THSD7A: variants seen among roughly 807,000 people sequenced by gnomAD.
The protein encoded by THSD7A is thrombospondin type 1 domain containing 7A.
Under a neutral mutation model 231.3 loss-of-function variants are expected in THSD7A, and 96 were observed. The ratio of observed to expected loss-of-function variants is 0.41; its 90% CI spans 0.35 to 0.49. THSD7A has a LOEUF of 0.49. Ranked by LOEUF, THSD7A falls within the 20% of genes least tolerant of loss-of-function variation. THSD7A has a pLI of 0.05. For missense variants in THSD7A, 2,290 were observed against 2,070.2 expected (o/e 1.11, Z -2.06); for synonymous variants, 940 against 743.3 (o/e 1.26, Z -4.30).
intron 6 of THSD7A, among the ~76,000 whole-genome samples, chr7:11,495,347 G>A (rs903729711): frequency 2.0e-5 from 3 of 152,134 alleles, no homozygotes; most frequent in African/African-American, 7.2e-5. Context: ...TTGGCCGTAG[G>A]TGCTTATGAG....
chr7:11,574,707 A>G (rs1382581279), intron 4 of THSD7A, among the ~76,000 whole-genome samples: 1 of 151,812 alleles, frequency 6.6e-6, no homozygotes, highest in African/African-American at 2.4e-5. Flanking sequence ...AAGTGCTGGG[A>G]TTACAGGCGT....
intron 2 of THSD7A, among the ~76,000 whole-genome samples, chr7:11,617,036 T>C (rs1170077388): frequency 3.3e-5 from 5 of 152,328 alleles, no homozygotes; most frequent in Admixed American, 1.3e-4. Flanking sequence ...GATGCTATAT[T>C]TGTGCATTGC....
chr7:11,781,531 A>G (rs192265641), intron 1 of THSD7A, among the ~76,000 whole-genome samples: 1 of 152,286 alleles, frequency 6.6e-6, no homozygotes, highest in Admixed American at 6.5e-5. Context: ...CGATGTAAAA[A>G]TCCTATTTAA....
At chr7:11,517,763 T>C (rs1356553933) in intron 6 of THSD7A, among the ~76,000 whole-genome samples, 1 of 152,262 alleles carries the variant, frequency 6.6e-6, no homozygotes, top group Non-Finnish European at 1.5e-5. Context: ...TGATCCCTTA[T>C]GAAAACTGAC....
chr7:11,604,192 T>C (rs1780659525), intron 2 of THSD7A, among the ~76,000 whole-genome samples: 1 of 152,120 alleles, frequency 6.6e-6, no homozygotes, highest in Non-Finnish European at 1.5e-5. Flanking sequence ...TTTCATGAAG[T>C]AGGTATTATT....
At chr7:11,764,539 C>T (rs972644764) in intron 1 of THSD7A, among the ~76,000 whole-genome samples, 67 of 144,640 alleles carry the variant, frequency 4.6e-4, no homozygotes, top group Non-Finnish European at 2.2e-4. Flanking sequence ...CACTGCAGTC[C>T]GGCCTGGGTG....
rs753952136 is a variant in THSD7A at position 11,814,126 on chromosome 7, C to A, written c.190+17631G>T. On this transcript the variant is annotated intron_variant, in intron 1 of 27. Coordinates refer to ENST00000423059, the MANE Select transcript of THSD7A (RefSeq NM_015204.3). The surrounding 1 kb of genome is among the most constrained non-coding windows in gnomAD (Gnocchi z 5.1). ...GAGAAAAAGTAGATTGGTATTTGCC[C>A]GGGACCTGGGCTGATGGCTCAGGGA... 6.6e-6 allele frequency among the ~76,000 whole-genome samples: 1 copy of A among 152,034 alleles called. No individual in the cohort carries two copies. Among genetic ancestry groups the A allele is most frequent in the Non-Finnish European group, 1.5e-5 (1 of 68,018 alleles).
intron 1 of THSD7A, among the ~76,000 whole-genome samples, chr7:11,669,952 T>C (rs1332354249): frequency 6.8e-6 from 1 of 146,466 alleles, no homozygotes; most frequent in Non-Finnish European, 1.5e-5. Context: ...AGTTTTCAAG[T>C]TTAAGTACTG....
At chr7:11,480,514 A>C (rs1190634552) in intron 7 of THSD7A, among the ~76,000 whole-genome samples, 1 of 152,196 alleles carries the variant, frequency 6.6e-6, no homozygotes, top group Non-Finnish European at 1.5e-5. Flanking sequence ...TCATTGTTTG[A>C]CAACACAAGA....
rs140369720 is a variant in THSD7A, at chr7:11,507,043, C to T, written c.1823-25061G>A. 3.6e-3 allele frequency among the ~76,000 whole-genome samples: 554 copies of T among 152,138 alleles called. 3 individuals carry two copies. Among genetic ancestry groups the T allele is most frequent in the African/African-American group, 0.013 (524 of 41,500 alleles). ...GTAGGCCTAGTGATTTTTAAAAGTT[C>T]CTGACACACAGAACATTCTTATTAA... On this transcript the variant is annotated intron_variant, in intron 6 of 27. Transcript: ENST00000423059.
At chr7:11,730,683 G>A (rs779686712) in intron 1 of THSD7A, among the ~76,000 whole-genome samples, 9 of 151,598 alleles carry the variant, frequency 5.9e-5, no homozygotes, top group Non-Finnish European at 1.2e-4. Flanking sequence ...CATAACTCAT[G>A]TTCAGTTCTT....
Position 11,755,958 on chromosome 7 carries a change from T to C in THSD7A, c.190+75799A>G, listed in dbSNP as rs1782660928. ...ATTCTAAAAGTAGTTCTGAAAAGAT[T>C]GCCACTTTGAAAACACAATTTTCAT... On this transcript the variant is annotated intron_variant, in intron 1 of 27. Coordinates refer to ENST00000423059, the MANE Select transcript of THSD7A (RefSeq NM_015204.3). Among the ~76,000 whole-genome samples, 5 of 152,080 alleles carry C rather than the reference T, an allele frequency of 3.3e-5. No homozygotes were observed. In the South Asian group the frequency reaches 1.0e-3, roughly 32 times the overall value.
intron 1 of THSD7A, among the ~76,000 whole-genome samples, chr7:11,805,641 A>G (rs1268303133): frequency 2.6e-5 from 4 of 152,126 alleles, no homozygotes; most frequent in Non-Finnish European, 4.4e-5. Flanking sequence ...ACATATCATT[A>G]TATGGTTTTA....
intron 6 of THSD7A, among the ~76,000 whole-genome samples, chr7:11,482,651 T>C (rs1786477911): frequency 6.6e-6 from 1 of 152,112 alleles, no homozygotes; most frequent in African/African-American, 2.4e-5. Context: ...TGCTTAATAT[T>C]TTTCATTAGT....
At chr7:11,502,190 T>G (rs887687687) in intron 6 of THSD7A, among the ~76,000 whole-genome samples, 75 of 152,242 alleles carry the variant, frequency 4.9e-4, no homozygotes, top group African/African-American at 1.6e-3. Context: ...AAAAGATTCA[T>G]AGGTGAATTC....
At chr7:11,598,605 C>T (rs768521134) in intron 2 of THSD7A, among the ~76,000 whole-genome samples, 15 of 152,178 alleles carry the variant, frequency 9.9e-5, no homozygotes, top group Non-Finnish European at 2.1e-4. Flanking sequence ...ACAATTACAA[C>T]GTAAACAAGG....
Position 11,541,305 on chromosome 7 carries a change from C to T in THSD7A, c.1822+114G>A, listed in dbSNP as rs1045621701. On this transcript the variant is annotated intron_variant, in intron 6 of 27. Transcript: ENST00000423059. ...AGGGAGAGAGAAGCAGCTATTTCTACGTTTGTAAACAGAATCAGTTATAAT... is the reference window on the plus strand; with the variant it reads ...AGGGAGAGAGAAGCAGCTATTTCTATGTTTGTAAACAGAATCAGTTATAAT... 26 of 1,000,838 alleles carry T rather than the reference C, an allele frequency of 2.6e-5. No individual in the cohort carries two copies. In the Middle Eastern group the frequency reaches 6.1e-4, roughly 23 times the overall value. 62.0% of individuals were successfully genotyped at this position (1,000,838 alleles called of 1,614,324 possible).
At chr7:11,461,210 CA>C (rs149790628) in intron 10 of THSD7A, among the ~76,000 whole-genome samples, 4,531 of 152,206 alleles carry the variant, frequency 0.03, 213 homozygotes, top group African/African-American at 0.099. Flanking sequence ...ATATGCTTTA[CA>C]AAAACAAATT....
rs113075153 is a variant in THSD7A at position 11,438,127 on chromosome 7, T to C, written c.3064+7934A>G. The stretch of plus-strand genomic sequence containing the variant: ...GTGATACAAAACAGTGTTTCATATT[T>C]ACAGTTACTTCTTTGCAGTAGCTAG... On this transcript the variant is annotated intron_variant, in intron 13 of 27. Coordinates refer to ENST00000423059, the MANE Select transcript of THSD7A (RefSeq NM_015204.3). Among the ~76,000 whole-genome samples the C allele has an allele frequency of 3.3e-3, 496 of 152,182 alleles. 3 individuals carry two copies. The highest frequency in any genetic ancestry group is 0.01 in the Middle Eastern group (3 of 294).
Sources: gnomAD v4.1 joint callset for allele counts (sites outside exome capture counted in the v4.1 genomes callset) on GRCh38, gnomAD v4.1.1 for gene constraint, Gnocchi (gnomAD v3.1) non-coding constraint, MANE v1.5 for transcripts, NCBI Gene and HGNC (gene_info 2026-07-23, HGNC 2026-07-21) for gene names.